Variants in DHX9 observed in about 807,000 individuals in gnomAD.
DHX9 encodes the protein ATP-dependent RNA helicase A.
Under a neutral mutation model 148.7 loss-of-function variants are expected in DHX9, and 27 were observed. That is an observed-to-expected ratio of 0.18 (90% confidence interval 0.13 to 0.25). The LOEUF is 0.25. Among genes scored for constraint, DHX9 ranks in the 10% least tolerant of loss-of-function variants. DHX9 has a pLI of 1.00. For missense variants in DHX9, 796 were observed against 1,559.6 expected, an observed-to-expected ratio of 0.51 and a Z score of 8.25; for synonymous variants, 529 against 516.6, an observed-to-expected ratio of 1.02 and a Z score of -0.33.
rs565766088 is a variant in DHX9, at chr1:182,843,445, A to G, written c.252+11A>G. On this transcript the variant is annotated intron_variant, in intron 3 of 27. Coordinates refer to ENST00000367549, the MANE Select transcript of DHX9 (RefSeq NM_001357.5). ...GTTCCAGCTTTTGGGGTAAGTACCT[A>G]TGGCGAAGCACTTGAGATGTATGTT... 33 of 1,583,022 alleles carry G rather than the reference A, an allele frequency of 2.1e-5. No homozygotes were observed. In the South Asian group the frequency reaches 3.4e-4, roughly 16 times the overall value.
intron 3 of DHX9, among the ~76,000 whole-genome samples, chr1:182,844,754 C>T (rs1667997369): frequency 6.6e-6 from 1 of 152,118 alleles, no homozygotes; most frequent in African/African-American, 2.4e-5. Context: ...AGGCTGGTCT[C>T]GAACTCCTGA....
At chr1:182,883,104 T>C (rs368786547) in intron 24 of DHX9, 35 bp from the exon 25 acceptor site, 61 of 1,398,966 alleles carry the variant, frequency 4.4e-5, no homozygotes, top group African/African-American at 5.7e-5. Context: ...CAGCCAGTTA[T>C]CTGATTTTTG....
intron 6 of DHX9, among the ~76,000 whole-genome samples, chr1:182,856,243 C>A (rs1244061946): frequency 6.6e-6 from 1 of 152,220 alleles, no homozygotes; most frequent in African/African-American, 2.4e-5. Flanking sequence ...GCTCTTGAGA[C>A]TCCAGCCTTT....
chr1:182,874,993 T>G, intron 16 of DHX9, 39 bp downstream of exon 16: 2 of 1,515,230 alleles, frequency 1.3e-6, no homozygotes, highest in South Asian at 1.1e-5. Context: ...TATGGGCAAA[T>G]TGTCAATGCA....
At chr1:182,877,849 A>T in intron 19 of DHX9, 172 bp from the exon 20 acceptor site, 1 of 751,842 alleles carries the variant, frequency 1.3e-6, no homozygotes, top group Non-Finnish European at 2.1e-6. Context: ...GTAGGTTGAC[A>T]ACTAGGAGTT....
chr1:182,852,393 T>C, intron 4 of DHX9, 49 bp downstream of exon 4: 1 of 1,287,710 alleles, frequency 7.8e-7, no homozygotes, highest in Non-Finnish European at 1.1e-6. Context: ...ATATACACAA[T>C]CTTGATCACC....
intron 11 of DHX9, 47 bp downstream of exon 11, chr1:182,859,164 T>A: frequency 6.4e-7 from 1 of 1,553,750 alleles, no homozygotes; most frequent in South Asian, 1.1e-5. Context: ...CTTCAGAATG[T>A]TCTAGGTATG....
chr1:182,852,158 T>C (rs1668162960), intron 3 of DHX9, 75 bp from the exon 4 acceptor site: 1 of 874,864 alleles, frequency 1.1e-6, no homozygotes, highest in Admixed American at 2.5e-5. Context: ...ATGGGTCCTT[T>C]TAAGTATTAA....
intron 14 of DHX9, among the ~76,000 whole-genome samples, chr1:182,869,912 T>C (rs1430561696): frequency 6.6e-6 from 1 of 152,238 alleles, no homozygotes; most frequent in East Asian, 1.9e-4. Flanking sequence ...CAGAAACTTT[T>C]CTTGTTCTCT....
chr1:182,853,681 A>G (rs563791284), intron 5 of DHX9, among the ~76,000 whole-genome samples: 9 of 152,260 alleles, frequency 5.9e-5, no homozygotes, highest in Admixed American at 3.3e-4. Flanking sequence ...AGGAAATGTA[A>G]TTATCTCAGG....
chr1:182,876,704 A>G (rs1648820047), intron 18 of DHX9, 126 bp from the exon 19 acceptor site: 2 of 891,638 alleles, frequency 2.2e-6, no homozygotes, highest in East Asian at 2.6e-5. Flanking sequence ...TTCATTAATC[A>G]GTTATTGGGT....
chr1:182,857,264 A>T (rs1342240405), intron 7 of DHX9, among the ~76,000 whole-genome samples: 1 of 152,202 alleles, frequency 6.6e-6, no homozygotes, highest in African/African-American at 2.4e-5. Context: ...TATCGAGGTT[A>T]ATTTGGCTAG....
At chr1:182,846,439 G>A (rs1668031169) in intron 3 of DHX9, among the ~76,000 whole-genome samples, 1 of 152,130 alleles carries the variant, frequency 6.6e-6, no homozygotes, top group African/African-American at 2.4e-5. Context: ...TCTCCATGTT[G>A]GTCAGGCTGG....
At position 182,853,164 on chromosome 1, in the gene DHX9, T is replaced by A. The variant is rs1316043824; in HGVS notation, c.365-142T>A. The stretch of plus-strand genomic sequence containing the variant: ...CTGGTCTCAAACTCCTGACCACACG[T>A]GATACCCACCTCAGCGTCCGGAAGT... On this transcript the variant is annotated intron_variant, in intron 4 of 27. Coordinates refer to ENST00000367549, the MANE Select transcript of DHX9 (RefSeq NM_001357.5). 3 of 598,094 alleles carry A rather than the reference T, an allele frequency of 5.0e-6. No individual in the cohort carries two copies. The African/African-American group carries it at 5.7e-5, about 11-fold the overall frequency. The allele number at this position is 598,094 out of a possible 1,614,324, so 37.0% of individuals were successfully genotyped here. A position where few individuals can be genotyped will look rare whatever the true frequency, so the allele number is the denominator to read the frequency against.
chr1:182,848,384 A>G (rs1410307889), intron 3 of DHX9, among the ~76,000 whole-genome samples: 2 of 152,240 alleles, frequency 1.3e-5, no homozygotes, highest in Admixed American at 6.5e-5. Flanking sequence ...TGCACTTGAC[A>G]AACTCCTACA....
intron 14 of DHX9, among the ~76,000 whole-genome samples, chr1:182,871,493 T>TA (rs1451350600): frequency 6.6e-5 from 10 of 152,236 alleles, no homozygotes; most frequent in Admixed American, 6.5e-4. Flanking sequence ...AGCAGTTACA[T>TA]ACCCTATAGC....
At chr1:182,877,854 G>A (rs1648885235) in intron 19 of DHX9, 167 bp from the exon 20 acceptor site, 3 of 762,046 alleles carry the variant, frequency 3.9e-6, no homozygotes, top group East Asian at 5.6e-5. Flanking sequence ...TTGACAACTA[G>A]GAGTTTGCAG....
At chr1:182,853,221 G>T in intron 4 of DHX9, 85 bp from the exon 5 acceptor site, 3 of 962,674 alleles carry the variant, frequency 3.1e-6, no homozygotes, top group South Asian at 1.5e-5. Flanking sequence ...CTCCATGCCC[G>T]GCCATAAATT....
intron 15 of DHX9, 72 bp downstream of exon 15, chr1:182,872,565 G>C: frequency 6.9e-7 from 1 of 1,458,396 alleles, no homozygotes; most frequent in Non-Finnish European, 9.3e-7. Context: ...CCTGGAGATT[G>C]GAGTTACAAT....
Sources: allele counts gnomAD v4.1 joint callset (sites outside exome capture counted in the v4.1 genomes callset), GRCh38; gene constraint gnomAD v4.1.1; transcripts MANE v1.5; gene names NCBI Gene and HGNC (gene_info 2026-07-23, HGNC 2026-07-21).